The following XPNPEP1 variants were observed in gnomAD, a reference collection of about 807,000 sequenced individuals.
The protein encoded by XPNPEP1 is X-prolyl aminopeptidase 1, also known as xaa-Pro aminopeptidase 1.
A neutral mutation model predicts 92.4 loss-of-function variants in XPNPEP1; 39 were observed. The observed-to-expected ratio is 0.42, with a 90% confidence interval of 0.33 to 0.55. The LOEUF (loss-of-function observed/expected upper bound fraction) is 0.55. Ranked by LOEUF, XPNPEP1 falls within the 20% of genes least tolerant of loss-of-function variation. XPNPEP1 has a pLI of 0.08. For missense variants in XPNPEP1, 654 were observed against 856.1 expected (o/e 0.76, Z 2.95); for synonymous variants, 307 against 299.4 (o/e 1.03, Z -0.26).
At chr10:109,888,365 T>C (rs1370746572) in intron 6 of XPNPEP1, 138 bp downstream of exon 6, 2 of 1,230,470 alleles carry the variant, frequency 1.6e-6, no homozygotes, top group Non-Finnish European at 2.2e-6. Context: ...GGAACTCTTC[T>C]CTTCACCCTG....
intron 10 of XPNPEP1, 62 bp downstream of exon 10, chr10:109,882,370 G>A (rs890989422): frequency 1.3e-6 from 2 of 1,567,626 alleles, no homozygotes; most frequent in Non-Finnish European, 1.7e-6. Flanking sequence ...GTGCTCCAAA[G>A]ACAATACCAG....
rs778671374 is a variant in XPNPEP1, at chr10:109,865,160, AAAAC to A, written c.*20_*23del. The A allele has an allele frequency of 6.2e-7, 1 of 1,613,740 alleles. No homozygotes were observed. The highest frequency in any genetic ancestry group is 8.5e-7 in the Non-Finnish European group (1 of 1,179,624). On this transcript the variant is annotated 3_prime_UTR_variant, in exon 21 of 21. Transcript: ENST00000502935. Reference sequence around the variant, plus strand: ...CTTCCTTCCTCCAGAGCATTTTACAAAAACAAAACCGGGGAGGTATTTATTAATG... The same window carrying A: ...CTTCCTTCCTCCAGAGCATTTTACAAAAAACCGGGGAGGTATTTATTAATG...
At chr10:109,911,113 T>A (rs1413624460) in intron 2 of XPNPEP1, among the ~76,000 whole-genome samples, 1 of 152,228 alleles carries the variant, frequency 6.6e-6, no homozygotes, top group East Asian at 1.9e-4. Flanking sequence ...GCCCCACTTA[T>A]CATCTGCAGC....
intron 8 of XPNPEP1, among the ~76,000 whole-genome samples, chr10:109,885,438 T>C (rs1848337113): frequency 2.0e-5 from 3 of 152,202 alleles, no homozygotes; most frequent in Non-Finnish European, 2.9e-5. Context: ...TATCATGGGA[T>C]TGTGTTTTTG....
At chr10:109,891,904 C>G (rs1464162241) in intron 4 of XPNPEP1, 78 bp from the exon 5 acceptor site, 2 of 1,405,588 alleles carry the variant, frequency 1.4e-6, no homozygotes, top group African/African-American at 1.4e-5. Flanking sequence ...TGACAGTAGA[C>G]AGGCAAGAGC....
rs111291215 is a variant in XPNPEP1 at position 109,890,045 on chromosome 10, G to A, written c.416-1450C>T. 1.9e-4 allele frequency among the ~76,000 whole-genome samples: 29 copies of A among 151,864 alleles called. 1 individual carries two copies. In the East Asian group the frequency reaches 2.1e-3, roughly 11 times the overall value. On this transcript the variant is annotated intron_variant, in intron 5 of 20. Coordinates refer to ENST00000502935, the MANE Select transcript of XPNPEP1 (RefSeq NM_020383.4). ...GTCATTTCCTAGCAGACAGATCTTC[G>A]GCAAAACCCCAGGGATGAATCACTC...
intron 3 of XPNPEP1, among the ~76,000 whole-genome samples, chr10:109,900,070 C>G (rs566880962): frequency 1.3e-5 from 2 of 152,318 alleles, no homozygotes; most frequent in Non-Finnish European, 2.9e-5. Flanking sequence ...AAGAAGAAAC[C>G]CTTAGAGTTG....
At chr10:109,896,826 C>G (rs1849019033) in intron 3 of XPNPEP1, among the ~76,000 whole-genome samples, 1 of 152,136 alleles carries the variant, frequency 6.6e-6, no homozygotes, top group South Asian at 2.1e-4. Context: ...CCAAGGAATG[C>G]AGGTGGCCTC....
chr10:109,880,567 T>C (rs1848035151), intron 11 of XPNPEP1, among the ~76,000 whole-genome samples: 1 of 152,188 alleles, frequency 6.6e-6, no homozygotes, highest in South Asian at 2.1e-4. Flanking sequence ...AAGCCACCTC[T>C]GGGCCCAAAA....
rs774331300 is a variant in XPNPEP1 at position 109,873,407 on chromosome 10, G to A, written c.1412C>T (p.Thr471Met). 3.7e-6 allele frequency: 6 copies of A among 1,614,102 alleles called. No homozygotes were observed. The highest frequency in any genetic ancestry group is 1.7e-5 in the Admixed American group (1 of 60,014). The change falls in exon 16 of 21, where the codon ACG becomes ATG. Residue 471 changes from threonine (T) to methionine (M), a missense_variant. Physicochemically the swap from Thr to Met is moderately conservative, Grantham distance 81 (BLOSUM62 -1). Coordinates refer to ENST00000502935, the MANE Select transcript of XPNPEP1 (RefSeq NM_020383.4). ...AGGGGTCCCAAAATGCATTGTCCGC[G>A]TCACATCTGTGGTGCCATCCCTTTC... ...AQYKDGTTDV[T>M]RTMHFGTPTA...
At chr10:109,899,370 C>T (rs1889302) in intron 3 of XPNPEP1, among the ~76,000 whole-genome samples, 3,997 of 152,250 alleles carry the variant, frequency 0.026, 173 homozygotes, top group African/African-American at 0.091. Flanking sequence ...CCCCTTCCAC[C>T]AGCTAAAATG....
chr10:109,903,312 G>A (rs1464981469), intron 3 of XPNPEP1, among the ~76,000 whole-genome samples: 2 of 152,200 alleles, frequency 1.3e-5, no homozygotes, highest in Non-Finnish European at 2.9e-5. Context: ...TTCACAAATA[G>A]TAGAGCTATT....
At position 109,864,949 on chromosome 10, in the gene XPNPEP1, T is replaced by C; in HGVS notation, c.*235A>G. ...GTGTTCAACTTTGGAGGGACCCTCC[T>C]TCTGGTGCAGCAATTTTATTCTTGG... On this transcript the variant is annotated 3_prime_UTR_variant, in exon 21 of 21. Transcript: ENST00000502935. 1.7e-6 allele frequency: 1 copy of C among 583,970 alleles called. No homozygotes were observed. Among genetic ancestry groups the C allele is most frequent in the Non-Finnish European group, 2.8e-6 (1 of 356,114 alleles). The allele number at this position is 583,970 out of a possible 1,614,324, so 36.2% of individuals were successfully genotyped here. A position where few individuals can be genotyped will look rare whatever the true frequency, so the allele number is the denominator to read the frequency against.
chr10:109,866,769 A>C (rs368939808), intron 20 of XPNPEP1, among the ~76,000 whole-genome samples: 5 of 152,244 alleles, frequency 3.3e-5, no homozygotes, highest in Admixed American at 6.5e-5. Context: ...AGGGCAAATG[A>C]CCAGATATTT....
In XPNPEP1 at chr10:109,893,063, C is replaced by A. The variant is rs772226210; in HGVS notation, c.259G>T (p.Ala87Ser). 2.5e-6 allele frequency: 4 copies of A among 1,613,658 alleles called. No homozygotes were observed. In the East Asian group the frequency reaches 6.7e-5, roughly 27 times the overall value. ...AAAGCCCGCCGACAGTCACATGGAG[C>A]AATATACTCACTCTGGAAAACAAAG... ...SGDAHQSEYIAPCDCRRAFVS... is the reference protein window; with the variant it reads ...SGDAHQSEYISPCDCRRAFVS... Residue 87 changes from alanine (A) to serine (S), a missense_variant, in exon 4 of 21, where the codon GCT (alanine) becomes TCT (serine). Coordinates refer to ENST00000502935, the MANE Select transcript of XPNPEP1 (RefSeq NM_020383.4).
intron 3 of XPNPEP1, 59 bp downstream of exon 3, chr10:109,907,632 A>C: frequency 6.2e-7 from 1 of 1,605,582 alleles, no homozygotes; most frequent in East Asian, 2.2e-5. Flanking sequence ...TCCTACAAAC[A>C]CATTAGGGCT....
At chr10:109,923,339 G>A in intron 1 of XPNPEP1, 63 bp downstream of exon 1, 1 of 1,382,238 alleles carries the variant, frequency 7.2e-7, no homozygotes, top group Non-Finnish European at 9.4e-7. Flanking sequence ...GGTGCAACAC[G>A]CGCGGCCGCG....
chr10:109,905,036 T>TA (rs530733705), intron 3 of XPNPEP1, among the ~76,000 whole-genome samples: 37 of 145,110 alleles, frequency 2.5e-4, no homozygotes, highest in East Asian at 1.0e-3. Context: ...ATGAACAGGT[T>TA]AAAAAAAAAA....
intron 3 of XPNPEP1, among the ~76,000 whole-genome samples, chr10:109,900,553 C>A (rs746246273): frequency 4.6e-5 from 7 of 152,196 alleles, no homozygotes; most frequent in Non-Finnish European, 8.8e-5. Flanking sequence ...ATCCCCTCTA[C>A]CACCTGCCTG....
Sources: allele counts gnomAD v4.1 joint callset (sites outside exome capture counted in the v4.1 genomes callset), GRCh38; gene constraint gnomAD v4.1.1; transcripts MANE v1.5; gene names NCBI Gene and HGNC (gene_info 2026-07-23, HGNC 2026-07-21).